KCNG3: variants seen among roughly 807,000 people sequenced by gnomAD.
The protein encoded by KCNG3 is potassium voltage-gated channel modifier subfamily G member 3, also known as voltage-gated potassium channel regulatory subunit KCNG3.
Under a neutral mutation model 29.0 loss-of-function variants are expected in KCNG3, and 15 were observed. The observed-to-expected ratio is 0.52, with a 90% CI of 0.35 to 0.80. KCNG3 has a LOEUF of 0.80. Ranked by LOEUF, KCNG3 falls within the 30% of genes least tolerant of loss-of-function variation. The pLI is 0.01. For missense variants in KCNG3, 512 were observed against 605.7 expected (o/e 0.85, Z 1.62); for synonymous variants, 322 against 248.9 (o/e 1.29, Z -2.76).
At chr2:42,415,510 A>G in the KCNG3 span, 6 of 152,170 alleles carry the variant, frequency 3.9e-5, no homozygotes, top group African/African-American at 1.4e-4. Flanking sequence ...TTCATCCTGG[A>G]TTCTAAAATG....
At chr2:42,432,868 C>T in the KCNG3 span, among the ~76,000 whole-genome samples, 5 of 148,102 alleles carry the variant, frequency 3.4e-5, no homozygotes, top group Admixed American at 6.8e-5. Context: ...ATAGACAGTA[C>T]AACAACTTAA....
At chr2:42,477,588 T>C (rs1388776919) in intron 1 of KCNG3, among the ~76,000 whole-genome samples, 1 of 151,546 alleles carries the variant, frequency 6.6e-6, no homozygotes, top group East Asian at 2.0e-4. Context: ...TATTAGATAT[T>C]TGTGTCGGGG....
At chr2:42,430,364 AAATAAAT>A in the KCNG3 span, among the ~76,000 whole-genome samples, 3 of 19,364 alleles carry the variant, frequency 1.5e-4, no homozygotes, top group Non-Finnish European at 4.2e-4. Flanking sequence ...ACTGTCTTAA[AAATAAAT>A]AAATAAATAA....
At chr2:42,490,233 G>A (rs1372807967) in intron 1 of KCNG3, among the ~76,000 whole-genome samples, 3 of 152,042 alleles carry the variant, frequency 2.0e-5, no homozygotes, top group African/African-American at 4.8e-5. Context: ...TTTGTTCCCA[G>A]GCAGGGCACA....
chr2:42,444,600 G>T lies in KCNG3; in HGVS notation c.666-21C>A, dbSNP rs745514294. ...TTATCCTGTCAAGAGAACAAAAGAA[G>T]AATTGATCATTTTATTTTTAAGCAT... is the stretch of plus-strand genomic sequence containing the variant. On this transcript the variant is annotated intron_variant, in intron 1 of 1. Coordinates refer to ENST00000306078, the MANE Select transcript of KCNG3 (RefSeq NM_133329.6). The surrounding 1 kb of genome is among the most constrained non-coding windows in gnomAD (Gnocchi z 5.8). The T allele has an allele frequency of 6.4e-7, 1 of 1,574,494 alleles. No individual in the cohort carries two copies. Among genetic ancestry groups the T allele is most frequent in the South Asian group, 1.2e-5 (1 of 85,098 alleles).
intron 1 of KCNG3, among the ~76,000 whole-genome samples, chr2:42,449,856 A>T (rs1449926313): frequency 6.6e-6 from 1 of 152,180 alleles, no homozygotes; most frequent in Non-Finnish European, 1.5e-5. Flanking sequence ...CAGCAGTGAT[A>T]ATAATAGTTT....
the KCNG3 span, among the ~76,000 whole-genome samples, chr2:42,435,172 G>A: frequency 7.9e-5 from 12 of 152,050 alleles, 1 homozygote; most frequent in South Asian, 2.1e-4. Flanking sequence ...GCATGGTGGC[G>A]CATGCCTGTA....
At chr2:42,477,438 T>A (rs1407884012) in intron 1 of KCNG3, among the ~76,000 whole-genome samples, 4 of 132,998 alleles carry the variant, frequency 3.0e-5, no homozygotes, top group East Asian at 3.2e-4. Flanking sequence ...TTTTTTTTTT[T>A]TTTTTTTGAG....
intron 1 of KCNG3, among the ~76,000 whole-genome samples, chr2:42,471,459 G>C (rs1673286336): frequency 6.6e-6 from 1 of 152,088 alleles, no homozygotes; most frequent in South Asian, 2.1e-4. Flanking sequence ...AATCCATGGA[G>C]ATAGATAGCA....
chr2:42,395,997 G>A, the KCNG3 span, among the ~76,000 whole-genome samples: 6 of 152,182 alleles, frequency 3.9e-5, no homozygotes, highest in Non-Finnish European at 7.4e-5. Flanking sequence ...CTCACAGAAC[G>A]TCACAGCTTA....
the KCNG3 span, among the ~76,000 whole-genome samples, chr2:42,401,120 T>C: frequency 6.7e-6 from 1 of 150,150 alleles, no homozygotes; most frequent in Admixed American, 6.7e-5. Flanking sequence ...TATATGTATA[T>C]ATAAATGTAT....
At chr2:42,452,234 TATATATA>T (rs1326636947) in intron 1 of KCNG3, among the ~76,000 whole-genome samples, 2 of 69,320 alleles carry the variant, frequency 2.9e-5, no homozygotes, top group African/African-American at 5.8e-5. Flanking sequence ...TATATATATA[TATATATA>T]TATTTTTTTT....
chr2:42,443,899 C>T lies in KCNG3; in HGVS notation c.*35G>A, dbSNP rs1395437419. 1 of 1,558,588 alleles carries T rather than the reference C, an allele frequency of 6.4e-7. No homozygotes were observed. The highest frequency in any genetic ancestry group is 8.7e-7 in the Non-Finnish European group (1 of 1,150,376). On this transcript the variant is annotated 3_prime_UTR_variant, in exon 2 of 2. Coordinates refer to ENST00000306078, the MANE Select transcript of KCNG3 (RefSeq NM_133329.6). ...AATATGAAGCAGCATCAAAGTCTTT[C>T]TATGAAGTGTATGCAAGAATTGATT...
chr2:42,453,798 G>A (rs547608386), intron 1 of KCNG3, among the ~76,000 whole-genome samples: 1 of 152,064 alleles, frequency 6.6e-6, no homozygotes, highest in Non-Finnish European at 1.5e-5. Context: ...GAATGTCCTG[G>A]AGATTTTCCC....
chr2:42,439,129 A>T (rs1297469016), downstream of KCNG3, among the ~76,000 whole-genome samples: 1 of 152,170 alleles, frequency 6.6e-6, no homozygotes, highest in Non-Finnish European at 1.5e-5. Flanking sequence ...AGTAATTTTT[A>T]AAATTCTAGA....
chr2:42,390,599 C>A, the KCNG3 span, among the ~76,000 whole-genome samples: 1 of 152,180 alleles, frequency 6.6e-6, no homozygotes, highest in Non-Finnish European at 1.5e-5. Context: ...CCCAGGGAAA[C>A]AAGGCTGCTG....
the KCNG3 span, among the ~76,000 whole-genome samples, chr2:42,422,262 G>T: frequency 3.3e-5 from 5 of 152,116 alleles, no homozygotes; most frequent in African/African-American, 1.2e-4. Context: ...CTCATGCATG[G>T]ATTAATGCTG....
downstream of KCNG3, among the ~76,000 whole-genome samples, chr2:42,439,688 C>T (rs1442487320): frequency 1.3e-5 from 2 of 151,646 alleles, no homozygotes; most frequent in East Asian, 1.9e-4. Context: ...CTTTTGTCAC[C>T]CAGGGTGGAG....
chr2:42,426,555 G>C, the KCNG3 span, among the ~76,000 whole-genome samples: 1 of 152,150 alleles, frequency 6.6e-6, no homozygotes, highest in Non-Finnish European at 1.5e-5. Flanking sequence ...ATTGAGGATA[G>C]GGTCAATAAA....
Sources: allele counts gnomAD v4.1 joint callset (sites outside exome capture counted in the v4.1 genomes callset), GRCh38; gene constraint gnomAD v4.1.1; non-coding constraint Gnocchi (gnomAD v3.1); transcripts MANE v1.5; gene names NCBI Gene and HGNC (gene_info 2026-07-23, HGNC 2026-07-21).